DPP6: variants seen among roughly 807,000 people sequenced by gnomAD.
DPP6 encodes the protein A-type potassium channel modulatory protein DPP6.
In DPP6, 69 loss-of-function variants were observed where a neutral mutation model predicts 122.6. That is an observed-to-expected ratio of 0.56 (90% confidence interval 0.46 to 0.69). DPP6 has a LOEUF of 0.69. Among genes scored for constraint, DPP6 ranks in the 30% least tolerant of loss-of-function variants. The pLI is 0.00. For synonymous variants in DPP6, 418 were observed against 433.1 expected, an observed-to-expected ratio of 0.97 and a Z score of 0.43; for missense variants, 928 against 1,116.9, an observed-to-expected ratio of 0.83 and a Z score of 2.41.
At chr7:154,452,354 G>A (rs966021595) in intron 2 of DPP6, among the ~76,000 whole-genome samples, 13 of 152,110 alleles carry the variant, frequency 8.5e-5, no homozygotes, top group Admixed American at 2.0e-4. Context: ...TGAGATCCTC[G>A]CCAAGGCAGG....
At chr7:154,259,409 T>G (rs917948395) in intron 1 of DPP6, among the ~76,000 whole-genome samples, 5 of 152,170 alleles carry the variant, frequency 3.3e-5, no homozygotes, top group Non-Finnish European at 7.3e-5. Context: ...CAAACTAATA[T>G]GCAGGTGTTT....
chr7:154,709,642 G>C (rs1223532016), intron 7 of DPP6, among the ~76,000 whole-genome samples: 2 of 148,208 alleles, frequency 1.3e-5, no homozygotes, highest in African/African-American at 5.0e-5. Flanking sequence ...TCACAGTTTG[G>C]TGGCTTTTGC....
intron 1 of DPP6, among the ~76,000 whole-genome samples, chr7:154,110,511 T>C (rs1806496609): frequency 6.6e-6 from 1 of 151,994 alleles, no homozygotes; most frequent in Admixed American, 6.6e-5. Flanking sequence ...AGGACAGAAA[T>C]CAGAGAGAAA....
exon 1 of DPP6, chr7:153,887,690 G>A (rs768798277): frequency 6.2e-7 from 1 of 1,613,786 alleles, no homozygotes; most frequent in Non-Finnish European, 8.5e-7. Flanking sequence ...CAAAATGAAG[G>A]AAAAGGCCAT....
intron 8 of DPP6, among the ~76,000 whole-genome samples, chr7:154,735,900 C>G (rs1219106512): frequency 2.6e-5 from 4 of 152,204 alleles, no homozygotes; most frequent in Admixed American, 2.6e-4. Flanking sequence ...GCCCTCTTAG[C>G]CCCCTGGGTC....
chr7:153,943,125 A>G (rs1205647093), intron 1 of DPP6, among the ~76,000 whole-genome samples: 1 of 152,150 alleles, frequency 6.6e-6, no homozygotes, highest in Admixed American at 6.6e-5. Flanking sequence ...ATAAAGTTTT[A>G]TTAATAAGGT....
chr7:154,028,758 T>C (rs543371323), intron 1 of DPP6, among the ~76,000 whole-genome samples: 32 of 152,244 alleles, frequency 2.1e-4, no homozygotes, highest in Non-Finnish European at 2.8e-4. Context: ...TTCTGCCCAC[T>C]CCATGCTATG....
At chr7:154,739,712 TGCACCTTGCAATAAG>T (rs897196651) in intron 8 of DPP6, among the ~76,000 whole-genome samples, 5 of 152,222 alleles carry the variant, frequency 3.3e-5, no homozygotes, top group African/African-American at 1.2e-4. Flanking sequence ...AATTGTCACA[TGCACCTTGCAATAAG>T]GCACCTTGCA....
intron 3 of DPP6, among the ~76,000 whole-genome samples, chr7:154,526,753 C>T (rs1827437061): frequency 6.6e-6 from 1 of 152,114 alleles, no homozygotes; most frequent in Admixed American, 6.5e-5. Context: ...CCATACACAC[C>T]TTATTGCTTA....
chr7:154,074,232 G>A (rs553138917), intron 1 of DPP6, among the ~76,000 whole-genome samples: 1 of 149,666 alleles, frequency 6.7e-6, no homozygotes, highest in East Asian at 1.9e-4. Flanking sequence ...AACCTTCGGG[G>A]AAATAGGGTG....
At position 154,351,574 on chromosome 7, in the gene DPP6, G is replaced by A. The variant is rs140379131; in HGVS notation, c.244-94640G>A. Among the ~76,000 whole-genome samples the A allele has an allele frequency of 3.9e-3, 592 of 152,284 alleles. 4 individuals are homozygous for A. The highest frequency in any genetic ancestry group is 0.013 in the African/African-American group (557 of 41,570). On this transcript the variant is annotated intron_variant, in intron 1 of 25. Transcript: ENST00000377770. Reference sequence around the variant, plus strand: ...GAGGGACCCTGCCTGCCCACACTCGGTGGTGGCCACAGCCTGCATCTAGCA... The same window carrying A: ...GAGGGACCCTGCCTGCCCACACTCGATGGTGGCCACAGCCTGCATCTAGCA...
chr7:154,182,753 T>TCAA (rs1423225976), intron 1 of DPP6, among the ~76,000 whole-genome samples: 3 of 151,976 alleles, frequency 2.0e-5, no homozygotes, highest in Admixed American at 6.6e-5. Context: ...GCCCTAACCA[T>TCAA]CAACTCCATC....
At chr7:154,801,524 C>T in intron 13 of DPP6, 62 bp downstream of exon 13, 1 of 1,508,366 alleles carries the variant, frequency 6.6e-7, no homozygotes, top group Non-Finnish European at 8.9e-7. Context: ...CGTGGGGTGA[C>T]AGCCTCTAGG....
chr7:154,047,289 T>G (rs1287872574), intron 1 of DPP6, among the ~76,000 whole-genome samples: 1 of 143,478 alleles, frequency 7.0e-6, no homozygotes, highest in African/African-American at 2.9e-5. Context: ...GTTACAAAAT[T>G]AAAGCACTGA....
At chr7:154,456,379 A>G (rs1353999519) in intron 2 of DPP6, among the ~76,000 whole-genome samples, 4 of 152,202 alleles carry the variant, frequency 2.6e-5, no homozygotes, top group African/African-American at 4.8e-5. Flanking sequence ...CAGTTAAGTG[A>G]TAATTTGCAG....
intron 1 of DPP6, among the ~76,000 whole-genome samples, chr7:154,289,311 A>G (rs968938790): frequency 1.3e-5 from 2 of 152,196 alleles, no homozygotes; most frequent in African/African-American, 2.4e-5. Context: ...CAGGATGAGC[A>G]GAGGCTGTCA....
intron 6 of DPP6, among the ~76,000 whole-genome samples, chr7:154,666,690 T>C (rs914672689): frequency 6.6e-6 from 1 of 152,168 alleles, no homozygotes; most frequent in African/African-American, 2.4e-5. Context: ...ACTACTACTC[T>C]ACTCACTGCT....
Position 154,600,409 on chromosome 7 carries a change from G to T in DPP6, c.627+33493G>T, listed in dbSNP as rs182819076. ...CTCCGAAAGAGCTGGGATTACAGGC[G>T]TGAGCCACCATGCCCGGCCCTTTTA... On this transcript the variant is annotated intron_variant, in intron 5 of 25. Transcript: ENST00000377770. 1.7e-5 allele frequency among the ~76,000 whole-genome samples: 2 copies of T among 120,128 alleles called. 1 individual carries two copies. The highest frequency in any genetic ancestry group is 3.7e-5 in the Non-Finnish European group (2 of 53,362). The allele number at this position is 120,128 out of a possible 152,430, so 78.8% of individuals were successfully genotyped here.
intron 1 of DPP6, among the ~76,000 whole-genome samples, chr7:154,147,898 A>T (rs1446861959): frequency 3.3e-5 from 5 of 151,818 alleles, no homozygotes; most frequent in Non-Finnish European, 4.4e-5. Context: ...TTTGATGTTT[A>T]AATGAAGGAA....
Sources: allele counts gnomAD v4.1 joint callset (sites outside exome capture counted in the v4.1 genomes callset), GRCh38; gene constraint gnomAD v4.1.1; transcripts MANE v1.5; gene names NCBI Gene and HGNC (gene_info 2026-07-23, HGNC 2026-07-21).